SCRG1: variants seen among roughly 807,000 people sequenced by gnomAD.
The protein encoded by SCRG1 is scrapie-responsive protein 1.
A neutral mutation model predicts 7.7 loss-of-function variants in SCRG1; 3 were observed. The ratio of observed to expected loss-of-function variants is 0.39; its 90% confidence interval spans 0.18 to 1.01. The LOEUF (loss-of-function observed/expected upper bound fraction) is 1.01, where lower values mean the gene tolerates loss of function less well. SCRG1 is among the 50% of genes least tolerant of loss of function. The probability of loss-of-function intolerance (pLI) is 0.36; values close to 1 mark genes in which losing one functional copy is unlikely to be tolerated. For missense variants in SCRG1, 110 were observed against 117.2 expected (o/e 0.94, Z 0.28); for synonymous variants, 46 against 41.2 (o/e 1.12, Z -0.44).
chr4:173,480,929 T>C, the SCRG1 span, among the ~76,000 whole-genome samples: 1 of 152,128 alleles, frequency 6.6e-6, no homozygotes, highest in East Asian at 1.9e-4. Context: ...TTTCTCTGCA[T>C]GTTTGAACAT....
the SCRG1 span, among the ~76,000 whole-genome samples, chr4:173,470,214 A>T: frequency 1.4e-5 from 2 of 146,600 alleles, 1 homozygote; most frequent in South Asian, 4.2e-4. Flanking sequence ...AAGCATCTCA[A>T]TATGTGTTTA....
chr4:173,424,361 G>A, the SCRG1 span, among the ~76,000 whole-genome samples: 20 of 152,104 alleles, frequency 1.3e-4, no homozygotes, highest in Non-Finnish European at 1.5e-4. Flanking sequence ...AAATTTACAA[G>A]GCAACAATTC....
At chr4:173,429,644 T>G in the SCRG1 span, among the ~76,000 whole-genome samples, 1 of 152,306 alleles carries the variant, frequency 6.6e-6, no homozygotes, top group South Asian at 2.1e-4. Flanking sequence ...AAGGAGGAGC[T>G]GCTCTCTCCA....
At chr4:173,499,186 C>T in the SCRG1 span, among the ~76,000 whole-genome samples, 2 of 152,118 alleles carry the variant, frequency 1.3e-5, no homozygotes, top group Non-Finnish European at 2.9e-5. The surrounding 1 kb of genome is among the most constrained non-coding windows in gnomAD (Gnocchi z 4.1). Context: ...ATCGAAGAGG[C>T]TAAAAGAGAT....
At chr4:173,485,574 C>T in the SCRG1 span, among the ~76,000 whole-genome samples, 26 of 152,080 alleles carry the variant, frequency 1.7e-4, no homozygotes, top group East Asian at 3.5e-3. Context: ...TTAAGTTTTG[C>T]GATAGTTTGT....
chr4:173,462,203 G>C, the SCRG1 span, among the ~76,000 whole-genome samples: 1 of 152,060 alleles, frequency 6.6e-6, no homozygotes, highest in Non-Finnish European at 1.5e-5. Context: ...AGTACAACAA[G>C]GTTATAGAAC....
chr4:173,420,641 G>A, the SCRG1 span, among the ~76,000 whole-genome samples: 1 of 151,724 alleles, frequency 6.6e-6, no homozygotes, highest in South Asian at 2.1e-4. Context: ...CATGAAAACT[G>A]CACATTAATG....
chr4:173,437,932 T>C, the SCRG1 span, among the ~76,000 whole-genome samples: 1 of 152,174 alleles, frequency 6.6e-6, no homozygotes, highest in African/African-American at 2.4e-5. Context: ...TTTCCTTCAG[T>C]TGATCCATAA....
the SCRG1 span, among the ~76,000 whole-genome samples, chr4:173,484,183 ATTTTC>A: frequency 1.6e-4 from 13 of 79,260 alleles, no homozygotes; most frequent in Admixed American, 2.6e-3. Flanking sequence ...TATATAATAT[ATTTTC>A]TATATTATAT....
chr4:173,433,554 C>T, the SCRG1 span, among the ~76,000 whole-genome samples: 2 of 152,206 alleles, frequency 1.3e-5, no homozygotes, highest in African/African-American at 2.4e-5. Flanking sequence ...AAGTGCATTT[C>T]GCTCTGGTCT....
At chr4:173,432,391 C>G in the SCRG1 span, among the ~76,000 whole-genome samples, 1 of 147,734 alleles carries the variant, frequency 6.8e-6, no homozygotes, top group East Asian at 2.1e-4. Context: ...TCCTCTTCCT[C>G]CCCTTACTCC....
chr4:173,498,436 T>G, the SCRG1 span, among the ~76,000 whole-genome samples: 1 of 152,284 alleles, frequency 6.6e-6, no homozygotes, highest in African/African-American at 2.4e-5. Context: ...TCACCAAGAT[T>G]TGTGGGCCAC....
chr4:173,397,619 G>A (rs183848371), intron 1 of SCRG1, among the ~76,000 whole-genome samples: 1 of 152,282 alleles, frequency 6.6e-6, no homozygotes, highest in African/African-American at 2.4e-5. Context: ...CCATCCTTTG[G>A]TAGGGAGTTG....
At chr4:173,463,278 T>C in the SCRG1 span, among the ~76,000 whole-genome samples, 1 of 152,112 alleles carries the variant, frequency 6.6e-6, no homozygotes, top group Non-Finnish European at 1.5e-5. Flanking sequence ...TATTATTTAT[T>C]TATTTATTTT....
At chr4:173,423,663 T>A in the SCRG1 span, among the ~76,000 whole-genome samples, 19 of 149,738 alleles carry the variant, frequency 1.3e-4, no homozygotes, top group Non-Finnish European at 2.6e-4. Flanking sequence ...TATCTCTTTT[T>A]TTTTAATTTT....
the SCRG1 span, among the ~76,000 whole-genome samples, chr4:173,479,418 GT>G: frequency 7.3e-6 from 1 of 136,214 alleles, no homozygotes; most frequent in Non-Finnish European, 1.6e-5. Flanking sequence ...AGCACAACCT[GT>G]TTTTTTTGTT....
chr4:173,450,187 G>C, the SCRG1 span, among the ~76,000 whole-genome samples: 1 of 152,244 alleles, frequency 6.6e-6, no homozygotes, highest in East Asian at 1.9e-4. Context: ...AGGGGAAATT[G>C]CCACTTATAA....
the SCRG1 span, among the ~76,000 whole-genome samples, chr4:173,497,069 G>A: frequency 6.6e-6 from 1 of 152,098 alleles, no homozygotes; most frequent in Admixed American, 6.5e-5. Context: ...TCACACCACT[G>A]CACTCCAGCC....
At chr4:173,408,685 A>AT (rs200404993), upstream of SCRG1, among the ~76,000 whole-genome samples, 1,696 of 152,250 alleles carry the variant, frequency 0.011, 42 homozygotes, top group African/African-American at 0.038. Context: ...AATTTTGACC[A>AT]TTTTAGTGTC....
Sources: gnomAD v4.1 joint callset for allele counts (sites outside exome capture counted in the v4.1 genomes callset) on GRCh38, gnomAD v4.1.1 for gene constraint, Gnocchi (gnomAD v3.1) non-coding constraint, MANE v1.5 for transcripts, NCBI Gene and HGNC (gene_info 2026-07-23, HGNC 2026-07-21) for gene names.